HYCC1: variants seen among roughly 807,000 people sequenced by gnomAD.
HYCC1 encodes the protein hyccin PI4KA lipid kinase complex subunit 1.
chr7:22,910,354 T>C, the HYCC1 span, among the ~76,000 whole-genome samples: 4 of 152,180 alleles, frequency 2.6e-5, no homozygotes, highest in Admixed American at 2.0e-4. Context: ...CCATGTGACA[T>C]GCCTGCTCCC....
At chr7:22,975,950 G>T in the HYCC1 span, among the ~76,000 whole-genome samples, 1 of 152,082 alleles carries the variant, frequency 6.6e-6, no homozygotes, top group Non-Finnish European at 1.5e-5. Context: ...GAACTCCTGG[G>T]TTCACGCAAT....
chr7:23,006,230 G>A, the HYCC1 span, among the ~76,000 whole-genome samples: 3 of 152,098 alleles, frequency 2.0e-5, no homozygotes, highest in Admixed American at 6.5e-5. Flanking sequence ...AGTTCAAAAA[G>A]ATAAATATAG....
chr7:22,990,312 C>T, the HYCC1 span, among the ~76,000 whole-genome samples: 8 of 152,102 alleles, frequency 5.3e-5, no homozygotes, highest in African/African-American at 1.4e-4. Context: ...GTGAGATGGT[C>T]CCATGGTGTC....
the HYCC1 span, among the ~76,000 whole-genome samples, chr7:22,995,922 CA>C: frequency 6.6e-6 from 1 of 152,164 alleles, no homozygotes. Context: ...AAGTACCATT[CA>C]AAATGATTAC....
the HYCC1 span, chr7:22,944,147 C>T: frequency 2.6e-5 from 4 of 152,138 alleles, no homozygotes; most frequent in East Asian, 1.9e-4. Context: ...AGAAGGAAAC[C>T]GCTGTGCAGT....
the HYCC1 span, among the ~76,000 whole-genome samples, chr7:22,911,893 C>A: frequency 6.6e-6 from 1 of 152,156 alleles, no homozygotes; most frequent in Non-Finnish European, 1.5e-5. Context: ...ACATCTTTAT[C>A]CTCTTTTCAA....
At chr7:23,000,896 TA>T in the HYCC1 span, among the ~76,000 whole-genome samples, 1 of 148,910 alleles carries the variant, frequency 6.7e-6, no homozygotes, top group African/African-American at 2.5e-5. Context: ...AAAATTTAAC[TA>T]ACTACTTGAC....
the HYCC1 span, among the ~76,000 whole-genome samples, chr7:22,999,126 T>C: frequency 6.6e-6 from 1 of 152,206 alleles, no homozygotes; most frequent in East Asian, 1.9e-4. Context: ...TTGATGCAGA[T>C]AATCTTGACT....
chr7:22,952,626 A>G, the HYCC1 span, among the ~76,000 whole-genome samples: 171 of 152,094 alleles, frequency 1.1e-3, no homozygotes, highest in African/African-American at 3.0e-3. Context: ...TGACAGCTAC[A>G]TGAAAAAACT....
chr7:22,903,108 C>T, the HYCC1 span, among the ~76,000 whole-genome samples: 3 of 152,158 alleles, frequency 2.0e-5, no homozygotes, highest in African/African-American at 7.2e-5. Context: ...ATCCCTTATA[C>T]ACTCCTGGAG....
the HYCC1 span, among the ~76,000 whole-genome samples, chr7:22,927,031 C>T: frequency 9.2e-5 from 14 of 152,206 alleles, no homozygotes; most frequent in African/African-American, 2.9e-4. Flanking sequence ...AAGAAACTCA[C>T]TCAAAACTGC....
At chr7:23,003,640 G>A in the HYCC1 span, among the ~76,000 whole-genome samples, 1 of 152,070 alleles carries the variant, frequency 6.6e-6, no homozygotes, top group Non-Finnish European at 1.5e-5. Flanking sequence ...TTACAATGTT[G>A]GGGACAAAGA....
chr7:22,898,663 C>T, the HYCC1 span, among the ~76,000 whole-genome samples: 2 of 148,418 alleles, frequency 1.3e-5, no homozygotes, highest in African/African-American at 2.5e-5. Context: ...AGTACAGTGG[C>T]ATGATCTCGG....
chr7:22,995,590 A>G, the HYCC1 span, among the ~76,000 whole-genome samples: 1 of 152,180 alleles, frequency 6.6e-6, no homozygotes, highest in Non-Finnish European at 1.5e-5. Context: ...GCAACAGAAC[A>G]AGTAATGTAG....
the HYCC1 span, among the ~76,000 whole-genome samples, chr7:22,973,080 G>A: frequency 1.3e-5 from 2 of 152,126 alleles, no homozygotes; most frequent in Admixed American, 1.3e-4. Flanking sequence ...AAATTGAGCA[G>A]CAATCTAAAA....
At chr7:22,960,444 A>T in the HYCC1 span, 1 of 1,577,776 alleles carries the variant, frequency 6.3e-7, no homozygotes, top group African/African-American at 1.4e-5. Context: ...GTTTAAGATC[A>T]ACATGAGCAG....
the HYCC1 span, among the ~76,000 whole-genome samples, chr7:22,979,452 G>C: frequency 6.6e-6 from 1 of 152,190 alleles, no homozygotes; most frequent in Non-Finnish European, 1.5e-5. Flanking sequence ...CAGAAAAACA[G>C]AGGGGCAGGA....
At chr7:22,964,611 G>A in the HYCC1 span, 3 of 760,350 alleles carry the variant, frequency 3.9e-6, no homozygotes, top group Admixed American at 3.9e-5. Context: ...AGCCAACAAT[G>A]TACTAGGTAC....
At chr7:22,976,702 G>A in the HYCC1 span, 20 of 1,597,860 alleles carry the variant, frequency 1.3e-5, no homozygotes, top group Non-Finnish European at 1.7e-6. Flanking sequence ...CCGATTCTGT[G>A]CTGTCAGCAT....
Sources: gnomAD v4.1 joint callset for allele counts (sites outside exome capture counted in the v4.1 genomes callset) on GRCh38, gnomAD v4.1.1 for gene constraint, MANE v1.5 for transcripts, NCBI Gene and HGNC (gene_info 2026-07-23, HGNC 2026-07-21) for gene names.